Variants in ZCWPW2 observed in about 807,000 individuals in gnomAD.
The protein encoded by ZCWPW2 is zinc finger CW-type PWWP domain protein 2.
In ZCWPW2, 45 loss-of-function variants were observed where a neutral mutation model predicts 46.6. That is an observed-to-expected ratio of 0.96 (90% CI 0.76 to 1.24). The LOEUF (loss-of-function observed/expected upper bound fraction) is 1.24. ZCWPW2 is among the 50% of genes most tolerant of loss of function. ZCWPW2 has a pLI of 0.00. For missense variants in ZCWPW2, 429 were observed against 403.9 expected (o/e 1.06, Z -0.53); for synonymous variants, 152 against 137.1 (o/e 1.11, Z -0.76).
chr3:28,412,613 C>T (rs1268215620), intron 2 of ZCWPW2, among the ~76,000 whole-genome samples: 1 of 151,908 alleles, frequency 6.6e-6, no homozygotes, highest in East Asian at 1.9e-4. Context: ...TCAGTTTTGT[C>T]TGTAAAAATG....
chr3:28,448,077 A>G, intron 4 of ZCWPW2: 1 of 258,310 alleles, frequency 3.9e-6, no homozygotes, highest in Non-Finnish European at 7.7e-6. Context: ...AAGCTAAATA[A>G]AAAATGAAGC....
chr3:28,413,078 GAA>G lies in ZCWPW2; in HGVS notation c.14_15del (p.Lys5IlefsTer4). On this transcript the variant is annotated frameshift_variant, in exon 3 of 10. Transcript: ENST00000383768. LOFTEE classifies it high-confidence loss of function. ...CAGATTAAATGCCTTAATGGATAAA[GAA>G]AAATTGGATGTTAAGATTGAATATT... MDK[E>X]KLDVKIEYCN... The G allele has an allele frequency of 6.2e-7, 1 of 1,607,688 alleles. No homozygotes were observed. The highest frequency in any genetic ancestry group is 8.5e-7 in the Non-Finnish European group (1 of 1,176,488).
chr3:28,447,101 A>G (rs1369762143), intron 4 of ZCWPW2, among the ~76,000 whole-genome samples: 1 of 152,146 alleles, frequency 6.6e-6, no homozygotes, highest in Non-Finnish European at 1.5e-5. Flanking sequence ...AACAATACTG[A>G]TCCTTCAAAT....
At chr3:28,512,043 T>A (rs57400334) in intron 6 of ZCWPW2, among the ~76,000 whole-genome samples, 4,453 of 152,252 alleles carry the variant, frequency 0.029, 192 homozygotes, top group African/African-American at 0.095. Flanking sequence ...TTCTTGAATT[T>A]TAGTTTTATT....
At chr3:28,522,956 A>G (rs1348615671) in intron 9 of ZCWPW2, among the ~76,000 whole-genome samples, 1 of 152,184 alleles carries the variant, frequency 6.6e-6, no homozygotes, top group Non-Finnish European at 1.5e-5. Context: ...TCAAAAATAC[A>G]GCCAGATTGA....
At chr3:28,349,808 C>A (rs186343900) in intron 1 of ZCWPW2, among the ~76,000 whole-genome samples, 2 of 152,278 alleles carry the variant, frequency 1.3e-5, no homozygotes, top group Non-Finnish European at 2.9e-5. Flanking sequence ...CTCACCACCC[C>A]CTTAAAGTAG....
At chr3:28,427,706 A>C (rs1251444728) in intron 3 of ZCWPW2, among the ~76,000 whole-genome samples, 1 of 152,214 alleles carries the variant, frequency 6.6e-6, no homozygotes, top group Non-Finnish European at 1.5e-5. Flanking sequence ...GTGATTTATC[A>C]AAGACTATCA....
At chr3:28,427,459 A>G (rs1054797286) in intron 3 of ZCWPW2, among the ~76,000 whole-genome samples, 7 of 152,230 alleles carry the variant, frequency 4.6e-5, no homozygotes, top group African/African-American at 1.4e-4. Flanking sequence ...AGACTGAGTC[A>G]GAGAATTTCC....
Position 28,349,197 on chromosome 3 carries a change from G to GAGTT in ZCWPW2, c.-137_-134dup. The GAGTT allele has an allele frequency of 2.0e-6, 2 of 985,712 alleles. No homozygotes were observed. The highest frequency in any genetic ancestry group is 2.4e-6 in the Non-Finnish European group (2 of 830,164). 61.1% of individuals were successfully genotyped at this position (985,712 alleles called of 1,614,324 possible). ...GACGCCAGGAGGCGGAGGCGGAGTGGAGTTAGGTAAGAGCGTTACCAGCCG... is the reference window on the plus strand; with the variant it reads ...GACGCCAGGAGGCGGAGGCGGAGTGGAGTTAGTTAGGTAAGAGCGTTACCAGCCG... On this transcript the variant is annotated 5_prime_UTR_variant, in exon 1 of 10. An upstream open reading frame in the 5' UTR gains an earlier in-frame stop. Transcript: ENST00000383768.
intron 2 of ZCWPW2, among the ~76,000 whole-genome samples, chr3:28,397,146 G>A (rs1435619475): frequency 6.6e-6 from 1 of 150,660 alleles, no homozygotes; most frequent in Admixed American, 6.6e-5. Flanking sequence ...AAAAAAATCT[G>A]GTATTATTCA....
At chr3:28,356,650 T>G (rs1704742647) in intron 1 of ZCWPW2, among the ~76,000 whole-genome samples, 1 of 152,200 alleles carries the variant, frequency 6.6e-6, no homozygotes, top group African/African-American at 2.4e-5. Context: ...GTGTTACATA[T>G]ACAACATGGA....
intron 1 of ZCWPW2, among the ~76,000 whole-genome samples, chr3:28,383,829 G>A (rs75263029): frequency 0.027 from 4,122 of 152,160 alleles, 176 homozygotes; most frequent in African/African-American, 0.088. Context: ...TATAATGAAT[G>A]AAGAACATTT....
At chr3:28,473,339 A>T (rs1559519242) in intron 4 of ZCWPW2, among the ~76,000 whole-genome samples, 1 of 151,994 alleles carries the variant, frequency 6.6e-6, no homozygotes, top group African/African-American at 2.4e-5. Context: ...ACCAGGTGTG[A>T]TGGCACATGC....
At chr3:28,392,218 A>G (rs73825149) in intron 2 of ZCWPW2, among the ~76,000 whole-genome samples, 3,124 of 152,318 alleles carry the variant, frequency 0.021, 106 homozygotes, top group African/African-American at 0.062. Flanking sequence ...GTAAGATGAA[A>G]CAAGGTCATT....
chr3:28,479,979 G>A (rs536241616), intron 5 of ZCWPW2, among the ~76,000 whole-genome samples: 3 of 152,156 alleles, frequency 2.0e-5, no homozygotes, highest in South Asian at 4.1e-4. Context: ...TACCATTGAT[G>A]GGCATTTAGG....
Position 28,492,246 on chromosome 3 carries a change from A to G in ZCWPW2, c.657+73A>G, listed in dbSNP as rs554097651. 294 of 1,325,118 alleles carry G rather than the reference A, an allele frequency of 2.2e-4. 6 individuals are homozygous for G. In the South Asian group the frequency reaches 3.5e-3, roughly 16 times the overall value. The allele number at this position is 1,325,118 out of a possible 1,614,324, so 82.1% of individuals were successfully genotyped here. A position where few individuals can be genotyped will look rare whatever the true frequency, so the allele number is the denominator to read the frequency against. On this transcript the variant is annotated intron_variant, in intron 6 of 9. Coordinates refer to ENST00000383768, the MANE Select transcript of ZCWPW2 (RefSeq NM_001040432.4). ...TTAACACTATTCTTTAAAGAAAATT[A>G]TATTATTTAAAAACAAACAATGACA...
At chr3:28,458,834 G>T (rs73822639) in intron 4 of ZCWPW2, among the ~76,000 whole-genome samples, 1 of 152,094 alleles carries the variant, frequency 6.6e-6, no homozygotes, top group African/African-American at 2.4e-5. Flanking sequence ...AGGTCTTTTC[G>T]TCATGCTTAG....
At chr3:28,485,653 T>A (rs2125810888) in intron 5 of ZCWPW2, among the ~76,000 whole-genome samples, 1 of 152,316 alleles carries the variant, frequency 6.6e-6, no homozygotes, top group South Asian at 2.1e-4. Context: ...TCTTTATTCT[T>A]GATAACTAAA....
At chr3:28,476,600 T>G (rs1425928770) in intron 4 of ZCWPW2, among the ~76,000 whole-genome samples, 1 of 152,148 alleles carries the variant, frequency 6.6e-6, no homozygotes, top group African/African-American at 2.4e-5. Flanking sequence ...TGGAAGACAA[T>G]TTTTCCATGG....
Sources: allele counts gnomAD v4.1 joint callset (sites outside exome capture counted in the v4.1 genomes callset), GRCh38; gene constraint gnomAD v4.1.1; transcripts MANE v1.5; gene names NCBI Gene and HGNC (gene_info 2026-07-23, HGNC 2026-07-21).